Variants in DYNC2H1 observed in about 807,000 individuals in gnomAD.
The protein encoded by DYNC2H1 is dynein cytoplasmic 2 heavy chain 1.
DYNC2H1 carries 410 observed loss-of-function variants against 570.0 expected under a neutral mutation model. That is an observed-to-expected ratio of 0.72 (90% confidence interval 0.66 to 0.78). The LOEUF (loss-of-function observed/expected upper bound fraction) is 0.78. DYNC2H1 is among the 30% of genes least tolerant of loss of function. The probability of loss-of-function intolerance (pLI) is 0.00; values close to 1 mark genes in which losing one functional copy is unlikely to be tolerated. For synonymous variants in DYNC2H1, 1,688 were observed against 1,677.6 expected (o/e 1.01, Z -0.15); for missense variants, 4,865 against 5,046.4 (o/e 0.96, Z 1.09).
intron 85 of DYNC2H1, among the ~76,000 whole-genome samples, chr11:103,450,737 CAG>C (rs1199813028): frequency 6.6e-6 from 1 of 152,074 alleles, no homozygotes; most frequent in African/African-American, 2.4e-5. Context: ...CCAAGGAACA[CAG>C]TGCATTAAAA....
intron 13 of DYNC2H1, among the ~76,000 whole-genome samples, chr11:103,131,403 C>G (rs1859260943): frequency 6.6e-6 from 1 of 152,142 alleles, no homozygotes; most frequent in Admixed American, 6.6e-5. Context: ...ATTCTCCTGC[C>G]TCAGCCTCAG....
In DYNC2H1 at chr11:103,186,442, G is replaced by T. The variant is rs1384888093; in HGVS notation, c.6834G>T (p.Trp2278Cys). 1.9e-6 allele frequency: 3 copies of T among 1,612,538 alleles called. No homozygotes were observed. The highest frequency in any genetic ancestry group is 2.5e-6 in the Non-Finnish European group (3 of 1,179,106). The change falls in exon 42 of 89, where the codon TGG becomes TGT. Residue 2278 changes from tryptophan to cysteine, a missense_variant. Trp to Cys is a radical substitution (Grantham distance 215, BLOSUM62 -2). Coordinates refer to ENST00000375735, the MANE Select transcript of DYNC2H1 (RefSeq NM_001377.3). This position sits in a 1 kb window ranked among gnomAD's most constrained non-coding sequence, Gnocchi z 4.5. ...GAGGTCTAGATTATTTCAAACCATG[G>T]TTAAGTTCTGATACTAAACAGCCCT... The part of the protein sequence containing the change: ...MQRGLDYFKP[W>C]LSSDTKQPFI...
chr11:103,420,353 A>G (rs904786059), intron 84 of DYNC2H1, among the ~76,000 whole-genome samples: 4 of 152,228 alleles, frequency 2.6e-5, no homozygotes, highest in Admixed American at 1.3e-4. Context: ...GCAGGCCAAC[A>G]TTCAAATTCA....
intron 2 of DYNC2H1, 69 bp downstream of exon 2, chr11:103,113,776 A>T (rs1858233800): frequency 8.1e-7 from 1 of 1,237,456 alleles, no homozygotes; most frequent in African/African-American, 1.6e-5. Context: ...AAACATAAAT[A>T]TCTATTTTTT....
chr11:103,468,773 A>G, intron 88 of DYNC2H1, 68 bp downstream of exon 88: 1 of 1,271,482 alleles, frequency 7.9e-7, no homozygotes, highest in Non-Finnish European at 1.1e-6. Flanking sequence ...TCTTTTCAAG[A>G]AGACATTCTT....
intron 85 of DYNC2H1, among the ~76,000 whole-genome samples, chr11:103,442,393 A>T (rs1225971723): frequency 6.6e-6 from 1 of 152,170 alleles, no homozygotes; most frequent in Non-Finnish European, 1.5e-5. Context: ...CCATCACAGT[A>T]TGAACTTAGG....
chr11:103,312,552 A>AAAC (rs1867645030), intron 79 of DYNC2H1, among the ~76,000 whole-genome samples: 1 of 131,874 alleles, frequency 7.6e-6, no homozygotes, highest in Non-Finnish European at 1.6e-5. Flanking sequence ...AAAAAAAAAA[A>AAAC]AAAAAAAAAA....
chr11:103,357,367 T>G (rs566935844), intron 82 of DYNC2H1, among the ~76,000 whole-genome samples: 37 of 152,296 alleles, frequency 2.4e-4, no homozygotes, highest in African/African-American at 8.9e-4. Flanking sequence ...CCCATACTTT[T>G]TTCATTAGAG....
At chr11:103,436,820 C>T (rs1944081994) in intron 85 of DYNC2H1, among the ~76,000 whole-genome samples, 1 of 152,168 alleles carries the variant, frequency 6.6e-6, no homozygotes, top group African/African-American at 2.4e-5. Context: ...TTCTCTATCA[C>T]TTTCTTTCCT....
intron 83 of DYNC2H1, among the ~76,000 whole-genome samples, chr11:103,371,939 T>G (rs1247229773): frequency 6.9e-6 from 1 of 145,272 alleles, no homozygotes; most frequent in Non-Finnish European, 1.5e-5. Context: ...TTTTTTTTTT[T>G]TTTTTTTTTT....
intron 88 of DYNC2H1, among the ~76,000 whole-genome samples, chr11:103,470,156 T>C (rs1412263429): frequency 1.3e-5 from 2 of 152,168 alleles, no homozygotes; most frequent in African/African-American, 4.8e-5. Flanking sequence ...AAATCAGGAA[T>C]GCAGTGCTGT....
chr11:103,255,375 C>T lies in DYNC2H1; in HGVS notation c.10207-40C>T, dbSNP rs367986595. The T allele has an allele frequency of 6.5e-6, 10 of 1,531,526 alleles. No individual in the cohort carries two copies. In the South Asian group the frequency reaches 1.1e-4, roughly 17 times the overall value. 94.9% of individuals were successfully genotyped at this position (1,531,526 alleles called of 1,614,324 possible). A position where few individuals can be genotyped will look rare whatever the true frequency, so the allele number is the denominator to read the frequency against. Reference sequence around the variant, plus strand: ...CAGGAAGTTTTTGTTTTGTTTTAAGCCTTATTGCTAGAATTACCTTGTCTT... The same window carrying T: ...CAGGAAGTTTTTGTTTTGTTTTAAGTCTTATTGCTAGAATTACCTTGTCTT... On this transcript the variant is annotated intron_variant, in intron 66 of 88. Transcript: ENST00000375735.
intron 6 of DYNC2H1, among the ~76,000 whole-genome samples, chr11:103,118,306 A>AC (rs1258682885): frequency 3.9e-5 from 6 of 152,070 alleles, no homozygotes; most frequent in African/African-American, 1.4e-4. Flanking sequence ...TGCAAAACTG[A>AC]CCATTCCTGC....
intron 48 of DYNC2H1, among the ~76,000 whole-genome samples, chr11:103,198,525 C>CT (rs1862591114): frequency 6.6e-6 from 1 of 152,074 alleles, no homozygotes. Flanking sequence ...TAGAGAGTTT[C>CT]TTTCTCTTTT....
chr11:103,359,645 C>T (rs1258617296), intron 83 of DYNC2H1, among the ~76,000 whole-genome samples: 1 of 150,514 alleles, frequency 6.6e-6, no homozygotes, highest in Non-Finnish European at 1.5e-5. Context: ...TTCCCCAAAC[C>T]CTCATTTACT....
chr11:103,371,020 AG>A (rs1941123319), intron 83 of DYNC2H1, among the ~76,000 whole-genome samples: 3 of 152,166 alleles, frequency 2.0e-5, no homozygotes, highest in Admixed American at 1.3e-4. Flanking sequence ...CCTTTCAGAC[AG>A]AGAATGCAAA....
chr11:103,115,615 C>T (rs991115332), intron 4 of DYNC2H1, among the ~76,000 whole-genome samples: 7 of 151,910 alleles, frequency 4.6e-5, no homozygotes, highest in South Asian at 2.1e-4. Context: ...CTGGCCAACA[C>T]GGTGAAACCT....
chr11:103,360,086 T>C (rs1940563356), intron 83 of DYNC2H1, among the ~76,000 whole-genome samples: 1 of 151,642 alleles, frequency 6.6e-6, no homozygotes, highest in South Asian at 2.1e-4. Context: ...AGAATCTGGG[T>C]AGAGTACAAT....
intron 17 of DYNC2H1, 140 bp from the exon 18 acceptor site, chr11:103,143,128 T>G: frequency 1.3e-6 from 1 of 755,254 alleles, no homozygotes; most frequent in Non-Finnish European, 2.1e-6. Context: ...TGTGCAGTAA[T>G]GATTATATTA....
Sources: allele counts gnomAD v4.1 joint callset (sites outside exome capture counted in the v4.1 genomes callset), GRCh38; gene constraint gnomAD v4.1.1; non-coding constraint Gnocchi (gnomAD v3.1); transcripts MANE v1.5; gene names NCBI Gene and HGNC (gene_info 2026-07-23, HGNC 2026-07-21).